PTPRT: variants seen among roughly 807,000 people sequenced by gnomAD.
PTPRT encodes the protein protein tyrosine phosphatase receptor type T, also known as receptor-type tyrosine-protein phosphatase T.
A neutral mutation model predicts 176.8 loss-of-function variants in PTPRT; 56 were observed. The observed-to-expected ratio is 0.32, with a 90% CI of 0.26 to 0.40. PTPRT has a LOEUF of 0.40. Among genes scored for constraint, PTPRT ranks in the 10% least tolerant of loss-of-function variants. PTPRT has a pLI of 1.00. For missense variants in PTPRT, 1,540 were observed against 1,908.2 expected, an observed-to-expected ratio of 0.81 and a Z score of 3.60; for synonymous variants, 783 against 739.0, an observed-to-expected ratio of 1.06 and a Z score of -0.96.
chr20:42,052,882 C>A, the PTPRT span, among the ~76,000 whole-genome samples: 19 of 152,126 alleles, frequency 1.2e-4, no homozygotes, highest in Non-Finnish European at 2.8e-4. Context: ...GCTTTCATCC[C>A]AGCTACTTGT....
intron 1 of PTPRT, among the ~76,000 whole-genome samples, chr20:43,172,105 G>A (rs953152050): frequency 2.6e-5 from 4 of 152,034 alleles, no homozygotes; most frequent in African/African-American, 4.8e-5. Context: ...CAAGTGCCTC[G>A]GCATCCCTTG....
intron 9 of PTPRT, among the ~76,000 whole-genome samples, chr20:42,362,728 T>TA (rs2058447189): frequency 6.6e-6 from 1 of 152,158 alleles, no homozygotes; most frequent in Admixed American, 6.5e-5. Context: ...TACAAGATGC[T>TA]AACATAAGGG....
At chr20:43,000,433 A>T (rs965214840) in intron 1 of PTPRT, among the ~76,000 whole-genome samples, 2 of 152,220 alleles carry the variant, frequency 1.3e-5, no homozygotes, top group Non-Finnish European at 2.9e-5. Flanking sequence ...TTTTAAGTGA[A>T]TTATAAGTTT....
At chr20:42,088,074 C>T (rs973084990) in intron 27 of PTPRT, among the ~76,000 whole-genome samples, 1 of 151,994 alleles carries the variant, frequency 6.6e-6, no homozygotes, top group African/African-American at 2.4e-5. Flanking sequence ...TGGATCCTGC[C>T]TAGGTCTACA....
At chr20:42,499,471 T>C (rs2071712803) in intron 7 of PTPRT, among the ~76,000 whole-genome samples, 1 of 151,996 alleles carries the variant, frequency 6.6e-6, no homozygotes, top group African/African-American at 2.4e-5. Context: ...TTTGTATTTT[T>C]AGTACAGACG....
intron 9 of PTPRT, among the ~76,000 whole-genome samples, chr20:42,443,698 C>G (rs1443649691): frequency 6.6e-6 from 1 of 152,148 alleles, no homozygotes; most frequent in Non-Finnish European, 1.5e-5. Flanking sequence ...AGACACCCAT[C>G]TTTCAGGGAA....
At chr20:43,079,110 G>A (rs2146284702) in intron 1 of PTPRT, among the ~76,000 whole-genome samples, 1 of 151,746 alleles carries the variant, frequency 6.6e-6, no homozygotes, top group Admixed American at 6.6e-5. Context: ...CCTCTATTTA[G>A]TTGCTCACTC....
chr20:42,400,631 A>G (rs1239281784), intron 9 of PTPRT, among the ~76,000 whole-genome samples: 1 of 152,004 alleles, frequency 6.6e-6, no homozygotes, highest in Non-Finnish European at 1.5e-5. Context: ...CTGCAAGAGG[A>G]ATTGTCTTTG....
At chr20:42,569,081 A>AATATATATATAAATATATATAAATAT (rs2073104105) in intron 7 of PTPRT, among the ~76,000 whole-genome samples, 1 of 30,802 alleles carries the variant, frequency 3.2e-5, no homozygotes, top group Admixed American at 5.6e-4. Context: ...AAAAAAAAAA[A>AATATATATATAAATATATATAAATAT]ATATATATAT....
chr20:42,971,752 C>T (rs1982650319), intron 1 of PTPRT, among the ~76,000 whole-genome samples: 2 of 152,144 alleles, frequency 1.3e-5, no homozygotes, highest in African/African-American at 4.8e-5. Flanking sequence ...GTGACTTAGA[C>T]CCGAGGTAAC....
intron 23 of PTPRT, among the ~76,000 whole-genome samples, chr20:42,109,988 A>G (rs1986864278): frequency 6.6e-6 from 1 of 151,808 alleles, no homozygotes. Flanking sequence ...AGAAAAGATA[A>G]CATGTCCCTC....
rs184375014 is a variant in PTPRT, at chr20:43,170,704, C to T, written c.88+18942G>A. ...CTGGTAGAATTATTCCCATTGACAG[C>T]GGGGAATCTGGGCTCAAAACATCAC... On this transcript the variant is annotated intron_variant, in intron 1 of 30. Transcript: ENST00000373187. Among the ~76,000 whole-genome samples, 148 of 152,240 alleles carry T rather than the reference C, an allele frequency of 9.7e-4. 3 individuals carry two copies. The highest frequency in any genetic ancestry group is 3.1e-3 in the African/African-American group (130 of 41,552).
At chr20:42,572,922 G>GT (rs398061439) in intron 7 of PTPRT, among the ~76,000 whole-genome samples, 3,296 of 111,154 alleles carry the variant, frequency 0.03, 111 homozygotes, top group African/African-American at 0.11. Flanking sequence ...ATAAGTTTTT[G>GT]TTTTTTTTTT....
downstream of PTPRT, among the ~76,000 whole-genome samples, chr20:42,068,859 C>A (rs6016675): frequency 3.9e-5 from 6 of 152,174 alleles, no homozygotes; most frequent in Admixed American, 1.3e-4. Flanking sequence ...CATTATAACC[C>A]GGAGCAGGGG....
intron 7 of PTPRT, among the ~76,000 whole-genome samples, chr20:42,481,633 T>A (rs914608644): frequency 7.9e-5 from 12 of 152,128 alleles, no homozygotes; most frequent in South Asian, 2.1e-4. Context: ...TAGTTTTTTT[T>A]AATTTTTTTT....
intron 2 of PTPRT, among the ~76,000 whole-genome samples, chr20:42,817,944 G>T (rs943185914): frequency 3.3e-5 from 5 of 152,200 alleles, no homozygotes; most frequent in Admixed American, 3.3e-4. Flanking sequence ...TCTCTTCCTG[G>T]TAGCTCTGAG....
intron 29 of PTPRT, among the ~76,000 whole-genome samples, chr20:42,082,912 C>T (rs964275103): frequency 1.3e-5 from 2 of 152,100 alleles, no homozygotes; most frequent in East Asian, 1.9e-4. Flanking sequence ...GTTTTATCTA[C>T]AGGACATGCA....
chr20:42,120,578 A>C (rs1170283587), intron 19 of PTPRT, among the ~76,000 whole-genome samples: 1 of 152,226 alleles, frequency 6.6e-6, no homozygotes, highest in African/African-American at 2.4e-5. Flanking sequence ...TACAAAGACC[A>C]GTTTCTAATT....
At chr20:42,728,491 G>C (rs915048938) in intron 6 of PTPRT, among the ~76,000 whole-genome samples, 1 of 152,152 alleles carries the variant, frequency 6.6e-6, no homozygotes, top group African/African-American at 2.4e-5. Context: ...AGTCTCTGAA[G>C]CCACAGCCTG....
Sources: gnomAD v4.1 joint callset for allele counts (sites outside exome capture counted in the v4.1 genomes callset) on GRCh38, gnomAD v4.1.1 for gene constraint, MANE v1.5 for transcripts, NCBI Gene and HGNC (gene_info 2026-07-23, HGNC 2026-07-21) for gene names.